The following ZNF248 variants were observed in gnomAD, a reference collection of about 807,000 sequenced individuals.
ZNF248 encodes KRAB protein domain.
A neutral mutation model predicts 44.3 loss-of-function variants in ZNF248; 20 were observed. The observed-to-expected ratio is 0.45, with a 90% confidence interval of 0.32 to 0.66. The LOEUF (loss-of-function observed/expected upper bound fraction) is 0.66, where lower values mean the gene tolerates loss of function less well. Among genes scored for constraint, ZNF248 ranks in the 30% least tolerant of loss-of-function variants. The probability of loss-of-function intolerance (pLI) is 0.04; values close to 1 mark genes in which losing one functional copy is unlikely to be tolerated. For synonymous variants in ZNF248, 224 were observed against 229.0 expected, an observed-to-expected ratio of 0.98 and a Z score of 0.20; for missense variants, 654 against 677.0, an observed-to-expected ratio of 0.97 and a Z score of 0.38.
At chr10:37,826,164 T>C (rs1025494388), downstream of ZNF248, among the ~76,000 whole-genome samples, 1 of 152,168 alleles carries the variant, frequency 6.6e-6, no homozygotes, top group African/African-American at 2.4e-5. Flanking sequence ...ATATATATTG[T>C]ATTTCCATTG....
chr10:37,770,617 T>G, the ZNF248 span, among the ~76,000 whole-genome samples: 1 of 152,070 alleles, frequency 6.6e-6, no homozygotes, highest in Non-Finnish European at 1.5e-5. Flanking sequence ...ATACAAAAAT[T>G]AATTCAAGAT....
At chr10:37,816,207 C>T (rs1345829879) in intron 6 of ZNF248, among the ~76,000 whole-genome samples, 1 of 152,118 alleles carries the variant, frequency 6.6e-6, no homozygotes, top group Non-Finnish European at 1.5e-5. Flanking sequence ...AGCATCTCTC[C>T]AGTGAATAAG....
chr10:37,796,835 A>C (rs1397068647), intron 6 of ZNF248, among the ~76,000 whole-genome samples: 1 of 152,164 alleles, frequency 6.6e-6, no homozygotes, highest in Non-Finnish European at 1.5e-5. Context: ...CTCCTCCATC[A>C]ATCAATTAGA....
In ZNF248 at chr10:37,820,550, C is replaced by A. The variant is rs934905807; in HGVS notation, c.330+12475G>T. The A allele has an allele frequency of 2.2e-5, 35 of 1,601,646 alleles. 1 individual carries two copies. In the Admixed American group the frequency reaches 3.0e-4, roughly 14 times the overall value. ...AACTGGTGCAACACTTCTGCCAGGG[C>A]TGGTCCCTGGCCCGCTTCCCCCAGC... On this transcript the variant is annotated intron_variant, in intron 6 of 6. Transcript: ENST00000615949.
chr10:37,837,818 T>G lies in ZNF248; in HGVS notation c.143-106A>C, dbSNP rs569930750. 3 of 1,364,794 alleles carry G rather than the reference T, an allele frequency of 2.2e-6. No homozygotes were observed. The Admixed American group carries it at 6.3e-5, about 29-fold the overall frequency. 84.5% of individuals were successfully genotyped at this position (1,364,794 alleles called of 1,614,324 possible). On this transcript the variant is annotated intron_variant, in intron 4 of 5. Transcript: ENST00000395867. ...ACAGCTTCACCAGCTACTCAAAGAA[T>G]GTGCACAAATGAACCAATCTCTGAC...
At chr10:37,792,839 A>G (rs964187141) in intron 6 of ZNF248, among the ~76,000 whole-genome samples, 1 of 152,228 alleles carries the variant, frequency 6.6e-6, no homozygotes, top group African/African-American at 2.4e-5. Flanking sequence ...ACAATGTGGC[A>G]TCCTAGACTG....
the ZNF248 span, among the ~76,000 whole-genome samples, chr10:37,760,468 C>A: frequency 3.3e-5 from 5 of 152,182 alleles, no homozygotes; most frequent in Non-Finnish European, 7.3e-5. Context: ...ATCTATCCAC[C>A]CACCTTGGCC....
intron 6 of ZNF248, chr10:37,819,575 T>C (rs1228414592): frequency 1.1e-6 from 1 of 889,748 alleles, no homozygotes; most frequent in Admixed American, 1.7e-5. Flanking sequence ...AAATTGTGAG[T>C]TATCTTCATT....
intron 6 of ZNF248, among the ~76,000 whole-genome samples, chr10:37,779,744 A>G (rs2047051228): frequency 6.6e-6 from 1 of 150,894 alleles, no homozygotes; most frequent in South Asian, 2.1e-4. Flanking sequence ...TGCAGACGAC[A>G]TGATTGTATA....
intron 6 of ZNF248, chr10:37,819,347 C>G: frequency 8.5e-7 from 1 of 1,178,854 alleles, no homozygotes; most frequent in Non-Finnish European, 1.3e-6. Context: ...CTTAATTATT[C>G]TGGGATGATC....
At chr10:37,764,668 G>A in the ZNF248 span, among the ~76,000 whole-genome samples, 46 of 152,042 alleles carry the variant, frequency 3.0e-4, no homozygotes, top group Middle Eastern at 3.4e-3. Context: ...CAGATAGGCC[G>A]ACACCGGGAA....
chr10:37,845,788 C>G (rs2059225416), intron 3 of ZNF248, among the ~76,000 whole-genome samples: 1 of 152,086 alleles, frequency 6.6e-6, no homozygotes, highest in African/African-American at 2.4e-5. Flanking sequence ...TTAGGTAGTA[C>G]AATGAATAGT....
intron 6 of ZNF248, among the ~76,000 whole-genome samples, chr10:37,786,576 T>C (rs748270881): frequency 1.3e-5 from 2 of 152,184 alleles, no homozygotes; most frequent in Non-Finnish European, 2.9e-5. Flanking sequence ...GTTGCATAGT[T>C]TTAATGTAAT....
At chr10:37,827,765 G>C (rs923326863), downstream of ZNF248, among the ~76,000 whole-genome samples, 1 of 152,174 alleles carries the variant, frequency 6.6e-6, no homozygotes, top group African/African-American at 2.4e-5. Context: ...GCAAACAGGG[G>C]TAGGGGTTGA....
intron 6 of ZNF248, among the ~76,000 whole-genome samples, chr10:37,798,121 C>T (rs943319079): frequency 3.9e-5 from 6 of 151,990 alleles, no homozygotes; most frequent in African/African-American, 1.2e-4. Context: ...CAATGTAATA[C>T]AACACAGCTT....
rs148813668 is a variant in ZNF248 at position 37,848,206 on chromosome 10, G to A, written c.15+8090C>T. ...GTGAATCGCTTGAACCCAGGAGGAG[G>A]AAGTTGCAGAGAGTCAACATCACGC... On this transcript the variant is annotated intron_variant, in intron 3 of 5. Coordinates refer to ENST00000395867, the MANE Select transcript of ZNF248 (RefSeq NM_021045.3). Among the ~76,000 whole-genome samples, 435 of 152,020 alleles carry A rather than the reference G, an allele frequency of 2.9e-3. 2 individuals are homozygous for A. The highest frequency in any genetic ancestry group is 9.9e-3 in the African/African-American group (412 of 41,462).
chr10:37,794,350 A>G (rs749251865), intron 6 of ZNF248: 1 of 154,350 alleles, frequency 6.5e-6, no homozygotes, highest in African/African-American at 2.4e-5. Context: ...CTTTTGCCCT[A>G]TATTCTACAA....
At chr10:37,837,326 A>G (rs567809665) in intron 5 of ZNF248, among the ~76,000 whole-genome samples, 2 of 152,166 alleles carry the variant, frequency 1.3e-5, no homozygotes, top group Admixed American at 1.3e-4. Flanking sequence ...TGTTGGCCAG[A>G]ACAGTCTCGA....
intron 3 of ZNF248, among the ~76,000 whole-genome samples, chr10:37,854,595 G>A (rs940663467): frequency 2.6e-5 from 4 of 152,186 alleles, no homozygotes; most frequent in African/African-American, 9.7e-5. Context: ...GAGCTGTGAA[G>A]AAATAAGCAT....
Sources: gnomAD v4.1 joint callset for allele counts (sites outside exome capture counted in the v4.1 genomes callset) on GRCh38, gnomAD v4.1.1 for gene constraint, MANE v1.5 for transcripts, NCBI Gene and HGNC (gene_info 2026-07-23, HGNC 2026-07-21) for gene names.